Variants in ABLIM1 observed in about 807,000 individuals in gnomAD.
ABLIM1 encodes actin binding LIM protein 1.
A neutral mutation model predicts 107.0 loss-of-function variants in ABLIM1; 40 were observed. The ratio of observed to expected loss-of-function variants is 0.37; its 90% CI spans 0.29 to 0.49. The LOEUF is 0.49. ABLIM1 is among the 20% of genes least tolerant of loss of function. The pLI is 0.97. For synonymous variants in ABLIM1, 357 were observed against 357.3 expected, an observed-to-expected ratio of 1.00 and a Z score of 0.01; for missense variants, 857 against 1,008.5, an observed-to-expected ratio of 0.85 and a Z score of 2.04.
At chr10:114,515,426 G>A (rs2062659527) in intron 6 of ABLIM1, among the ~76,000 whole-genome samples, 1 of 152,206 alleles carries the variant, frequency 6.6e-6, no homozygotes, top group South Asian at 2.1e-4. Flanking sequence ...CCATGGTTGA[G>A]AATCCCTGAG....
chr10:114,694,229 G>C (rs2081148916), intron 1 of ABLIM1, among the ~76,000 whole-genome samples: 1 of 152,154 alleles, frequency 6.6e-6, no homozygotes, highest in African/African-American at 2.4e-5. Context: ...TCACTCATAA[G>C]GTAGCAAACC....
the ABLIM1 span, among the ~76,000 whole-genome samples, chr10:114,783,613 C>T: frequency 4.6e-5 from 7 of 151,130 alleles, no homozygotes; most frequent in African/African-American, 1.5e-4. Context: ...AGAAAGAAAA[C>T]CAGGAGTGGG....
At chr10:114,525,420 C>A (rs2064534006) in intron 6 of ABLIM1, among the ~76,000 whole-genome samples, 1 of 152,222 alleles carries the variant, frequency 6.6e-6, no homozygotes, top group East Asian at 1.9e-4. Flanking sequence ...ATTAGACTCA[C>A]TGACACATGA....
In ABLIM1 at chr10:114,624,632, C is replaced by T. The variant is rs2077673597; in HGVS notation, c.245-22671G>A. Reference sequence around the variant, plus strand: ...CATTCCTGTCATCAAAAATTGCCCTCAAGAGCCTTGAACACATTCAAGTCA... The same window carrying T: ...CATTCCTGTCATCAAAAATTGCCCTTAAGAGCCTTGAACACATTCAAGTCA... On this transcript the variant is annotated intron_variant, in intron 1 of 22. Transcript: ENST00000533213. 3.9e-5 allele frequency among the ~76,000 whole-genome samples: 6 copies of T among 152,304 alleles called. No homozygotes were observed. In the South Asian group the frequency reaches 1.0e-3, roughly 26 times the overall value.
chr10:114,777,208 T>C, the ABLIM1 span, among the ~76,000 whole-genome samples: 2 of 152,218 alleles, frequency 1.3e-5, no homozygotes, highest in African/African-American at 4.8e-5. Context: ...GTGTTCTGCC[T>C]GTAAAACTCA....
At chr10:114,708,932 C>G (rs945334160) in intron 1 of ABLIM1, among the ~76,000 whole-genome samples, 9 of 152,058 alleles carry the variant, frequency 5.9e-5, no homozygotes, top group African/African-American at 1.9e-4. Flanking sequence ...CCATTTTGAC[C>G]TCCCCTCTTC....
intron 1 of ABLIM1, among the ~76,000 whole-genome samples, chr10:114,679,115 T>C (rs2080623347): frequency 6.6e-6 from 1 of 152,182 alleles, no homozygotes; most frequent in South Asian, 2.1e-4. Context: ...CGCATATTTC[T>C]ACATGCTGTC....
At chr10:114,437,806 A>T (rs778091105) in intron 22 of ABLIM1, 38 bp downstream of exon 22, 6 of 1,545,208 alleles carry the variant, frequency 3.9e-6, no homozygotes, top group Middle Eastern at 3.4e-4. Context: ...GTGCATAGGG[A>T]TCTGCAGTTG....
At chr10:114,512,256 A>G (rs962477873) in intron 6 of ABLIM1, among the ~76,000 whole-genome samples, 2 of 152,230 alleles carry the variant, frequency 1.3e-5, no homozygotes, top group Non-Finnish European at 2.9e-5. Flanking sequence ...ATGTGTTACA[A>G]TCCAATGCAA....
chr10:114,664,200 G>A (rs753033619), intron 1 of ABLIM1, among the ~76,000 whole-genome samples: 13 of 152,218 alleles, frequency 8.5e-5, no homozygotes, highest in Non-Finnish European at 1.9e-4. Flanking sequence ...GCTAGATAAG[G>A]AATAGAACAG....
At chr10:114,720,484 C>T (rs1160426214) in intron 1 of ABLIM1, among the ~76,000 whole-genome samples, 1 of 152,116 alleles carries the variant, frequency 6.6e-6, no homozygotes, top group Non-Finnish European at 1.5e-5. Context: ...ATTTACTTTC[C>T]CAACAACAGT....
intron 1 of ABLIM1, among the ~76,000 whole-genome samples, chr10:114,603,953 C>CA (rs56037072): frequency 0.14 from 18,052 of 130,632 alleles, 1,208 homozygotes; most frequent in East Asian, 0.17. Flanking sequence ...GACTTTGTCT[C>CA]AAAAAAAAAA....
intron 6 of ABLIM1, among the ~76,000 whole-genome samples, chr10:114,525,948 A>T (rs1177106982): frequency 6.6e-6 from 1 of 152,166 alleles, no homozygotes; most frequent in Non-Finnish European, 1.5e-5. Context: ...TTCCCCCCAA[A>T]AAAAGTCTTT....
intron 1 of ABLIM1, among the ~76,000 whole-genome samples, chr10:114,623,052 T>C (rs1428725293): frequency 6.6e-6 from 1 of 152,164 alleles, no homozygotes; most frequent in Non-Finnish European, 1.5e-5. Flanking sequence ...CTCTGCCTCC[T>C]AGGCTCAAGC....
At chr10:114,583,404 A>AACACAC (rs1164587300) in intron 2 of ABLIM1, among the ~76,000 whole-genome samples, 20 of 71,366 alleles carry the variant, frequency 2.8e-4, no homozygotes, top group East Asian at 1.1e-3. Context: ...GAGAAAAGGG[A>AACACAC]ACACACACAC....
At chr10:114,663,471 T>C (rs534186234) in intron 1 of ABLIM1, among the ~76,000 whole-genome samples, 42 of 152,306 alleles carry the variant, frequency 2.8e-4, no homozygotes, top group African/African-American at 9.6e-4. Context: ...TAATTCTCTA[T>C]AAGTCACTGT....
chr10:114,669,760 T>A (rs1450629783), intron 1 of ABLIM1, among the ~76,000 whole-genome samples: 1 of 152,146 alleles, frequency 6.6e-6, no homozygotes, highest in African/African-American at 2.4e-5. Context: ...GTGGTAGATA[T>A]CTTCAATAGG....
intron 17 of ABLIM1, among the ~76,000 whole-genome samples, chr10:114,442,190 G>A (rs1163804333): frequency 2.0e-5 from 3 of 152,192 alleles, no homozygotes; most frequent in African/African-American, 4.8e-5. Context: ...CTAAACAGCT[G>A]AGCAAGGATG....
At chr10:114,491,565 C>T (rs2059003537) in intron 7 of ABLIM1, among the ~76,000 whole-genome samples, 1 of 152,178 alleles carries the variant, frequency 6.6e-6, no homozygotes, top group African/African-American at 2.4e-5. Flanking sequence ...ATTAAGGCAG[C>T]ATCACAAGTT....
Sources: allele counts gnomAD v4.1 joint callset (sites outside exome capture counted in the v4.1 genomes callset), GRCh38; gene constraint gnomAD v4.1.1; transcripts MANE v1.5; gene names NCBI Gene and HGNC (gene_info 2026-07-23, HGNC 2026-07-21).